Variants in SYTL5 observed in about 807,000 individuals in gnomAD.
SYTL5 encodes the protein synaptotagmin-like protein 5.
A neutral mutation model predicts 55.9 loss-of-function variants in SYTL5; 34 were observed. The observed-to-expected ratio is 0.61, with a 90% CI of 0.46 to 0.81. The LOEUF is 0.81. SYTL5 is among the 30% of genes least tolerant of loss of function. The pLI, the probability that SYTL5 is intolerant of heterozygous loss-of-function variation, is 0.00. For missense variants in SYTL5, 637 were observed against 546.7 expected (o/e 1.17, Z -1.65); for synonymous variants, 221 against 188.7 (o/e 1.17, Z -1.40).
chrX:38,061,918 C>T lies in SYTL5; in HGVS notation c.329+7496C>T, dbSNP rs1026777117. Among the ~76,000 whole-genome samples the T allele has an allele frequency of 4.5e-5, 5 of 111,464 alleles. No homozygotes were observed. In the Admixed American group the frequency reaches 4.8e-4, roughly 11 times the overall value. ...TAGTACCCAATTGAATTCAGAAGGC[C>T]CCAAAGATAAAAGCAACATGAGTTG... On this transcript the variant is annotated intron_variant, in intron 3 of 16. Transcript: ENST00000297875.
At chrX:37,947,377 A>T in the SYTL5 span, among the ~76,000 whole-genome samples, 1 of 110,940 alleles carries the variant, frequency 9.0e-6, no homozygotes, top group Admixed American at 9.6e-5. Flanking sequence ...TGTTCTCGTG[A>T]TATTGAGTGA....
the SYTL5 span, among the ~76,000 whole-genome samples, chrX:37,973,729 G>A: frequency 9.1e-6 from 1 of 110,221 alleles, no homozygotes; most frequent in East Asian, 2.8e-4. Context: ...CTGCCTCCCG[G>A]GTTCAAGTGA....
intron 2 of SYTL5, among the ~76,000 whole-genome samples, chrX:38,039,532 C>T (rs994141849): frequency 8.9e-6 from 1 of 112,127 alleles, no homozygotes; most frequent in African/African-American, 3.2e-5. Flanking sequence ...AATTTTTACT[C>T]TACTTGATCT....
the SYTL5 span, among the ~76,000 whole-genome samples, chrX:37,931,717 G>T: frequency 9.0e-6 from 1 of 111,674 alleles, no homozygotes; most frequent in Non-Finnish European, 1.9e-5. Context: ...TTTGGTTTTA[G>T]GTCATGGCTT....
At chrX:37,975,923 T>G in the SYTL5 span, among the ~76,000 whole-genome samples, 1 of 111,569 alleles carries the variant, frequency 9.0e-6, no homozygotes, top group African/African-American at 3.3e-5. Flanking sequence ...TCGTCAGCAC[T>G]GGATGAATGT....
chrX:37,973,698 G>C, the SYTL5 span, among the ~76,000 whole-genome samples: 1 of 109,819 alleles, frequency 9.1e-6, no homozygotes, highest in Non-Finnish European at 1.9e-5. Context: ...CAAGTGGTGC[G>C]ATCTCGGCTC....
At chrX:37,920,999 T>G in the SYTL5 span, among the ~76,000 whole-genome samples, 1 of 111,434 alleles carries the variant, frequency 9.0e-6, no homozygotes, top group East Asian at 2.8e-4. Flanking sequence ...TTCCCTCCAG[T>G]AATAGAGAGG....
the SYTL5 span, among the ~76,000 whole-genome samples, chrX:37,967,103 G>A: frequency 8.9e-6 from 1 of 111,764 alleles, no homozygotes; most frequent in Non-Finnish European, 1.9e-5. Flanking sequence ...CCAGGCTGGA[G>A]TGCAGTGGTG....
chrX:38,074,562 T>C (rs781106046), intron 5 of SYTL5, among the ~76,000 whole-genome samples: 46 of 111,639 alleles, frequency 4.1e-4, no homozygotes, highest in Non-Finnish European at 7.0e-4. Flanking sequence ...AACTTTATGG[T>C]CCTTTTCAGA....
Position 38,120,481 on chromosome X carries a change from A to C in SYTL5, c.1705+15A>C. The C allele has an allele frequency of 8.9e-7, 1 of 1,120,864 alleles. No homozygotes were observed. Among genetic ancestry groups the C allele is most frequent in the Non-Finnish European group, 1.2e-6 (1 of 812,926 alleles). 92.4% of individuals were successfully genotyped at this position (1,120,864 alleles called of 1,213,427 possible). A position where few individuals can be genotyped will look rare whatever the true frequency, so the allele number is the denominator to read the frequency against. The stretch of plus-strand genomic sequence containing the variant: ...ACAACTCCAAGGTAGAGTAAAAATC[A>C]ATGACTTTGATCAATGACATTCTGT... On this transcript the variant is annotated intron_variant, in intron 14 of 16. Coordinates refer to ENST00000297875, the MANE Select transcript of SYTL5 (RefSeq NM_138780.3).
At chrX:37,951,283 T>C in the SYTL5 span, among the ~76,000 whole-genome samples, 1 of 111,947 alleles carries the variant, frequency 8.9e-6, no homozygotes, top group African/African-American at 3.2e-5. Context: ...ATTTCAATGG[T>C]GATTTTTTGA....
At position 38,073,617 on chromosome X, in the gene SYTL5, A is replaced by C. The variant is rs753150967; in HGVS notation, c.473A>C (p.Gln158Pro). Reference sequence around the variant, plus strand: ...GCTGAAGAAGTACAGAGCCAAGAGCAAACCCGCCAGGATGCAGAAAAGTCA... The same window carrying C: ...GCTGAAGAAGTACAGAGCCAAGAGCCAACCCGCCAGGATGCAGAAAAGTCA... ...PGAEEVQSQEQTRQDAEKSDT... is the reference protein window; with the variant it reads ...PGAEEVQSQEPTRQDAEKSDT... The change falls in exon 5 of 17, where the codon CAA becomes CCA. Residue 158 changes from glutamine (Q) to proline (P), a missense_variant. By Grantham distance (76) the Gln-to-Pro change is moderately conservative. Coordinates refer to ENST00000297875, the MANE Select transcript of SYTL5 (RefSeq NM_138780.3). 1.7e-6 allele frequency: 2 copies of C among 1,195,415 alleles called. No homozygotes were observed. Among genetic ancestry groups the C allele is most frequent in the Non-Finnish European group, 1.1e-6 (1 of 887,268 alleles).
chrX:38,018,546 T>C (rs1934436490), intron 1 of SYTL5, among the ~76,000 whole-genome samples: 1 of 111,394 alleles, frequency 9.0e-6, no homozygotes, highest in African/African-American at 3.3e-5. Flanking sequence ...CATATCTAAA[T>C]TGCAATTAAT....
chrX:37,899,113 A>G, the SYTL5 span, among the ~76,000 whole-genome samples: 1 of 112,641 alleles, frequency 8.9e-6, no homozygotes, highest in South Asian at 3.7e-4. Context: ...AGAAAATATA[A>G]GAAGTATTAT....
intron 16 of SYTL5, 92 bp from the exon 17 acceptor site, chrX:38,126,496 G>A (rs1199822815): frequency 1.0e-6 from 1 of 963,965 alleles, no homozygotes; most frequent in Non-Finnish European, 1.4e-6. Flanking sequence ...AGGTACTCTG[G>A]TGAAAAGGCC....
At chrX:38,116,873 G>C (rs1937502426) in intron 13 of SYTL5, among the ~76,000 whole-genome samples, 1 of 112,297 alleles carries the variant, frequency 8.9e-6, no homozygotes, top group Non-Finnish European at 1.9e-5. Context: ...TGCTATTCAC[G>C]AGGGATGAAG....
At chrX:38,041,972 G>T (rs1240054527) in intron 2 of SYTL5, among the ~76,000 whole-genome samples, 2 of 110,594 alleles carry the variant, frequency 1.8e-5, no homozygotes, top group Non-Finnish European at 3.8e-5. Context: ...CCTTATGCTA[G>T]AAACATTCTA....
At chrX:37,939,384 T>A in the SYTL5 span, among the ~76,000 whole-genome samples, 1 of 112,622 alleles carries the variant, frequency 8.9e-6, no homozygotes. Context: ...CTTCTTTCTA[T>A]GTTTTAGCTT....
At chrX:38,012,006 C>G (rs1934207765) in intron 1 of SYTL5, among the ~76,000 whole-genome samples, 1 of 111,470 alleles carries the variant, frequency 9.0e-6, no homozygotes, top group African/African-American at 3.3e-5. Context: ...CACTTAATAA[C>G]TTTTTTCATT....
Sources: gnomAD v4.1 joint callset for allele counts (sites outside exome capture counted in the v4.1 genomes callset) on GRCh38, gnomAD v4.1.1 for gene constraint, MANE v1.5 for transcripts, NCBI Gene and HGNC (gene_info 2026-07-23, HGNC 2026-07-21) for gene names.